OPCML: variants seen among roughly 807,000 people sequenced by gnomAD.
The protein encoded by OPCML is opioid binding protein/cell adhesion molecule like.
OPCML carries 13 observed loss-of-function variants against 37.8 expected under a neutral mutation model. The observed-to-expected ratio is 0.34, with a 90% confidence interval of 0.22 to 0.55. The LOEUF (loss-of-function observed/expected upper bound fraction) is 0.55, where lower values mean the gene tolerates loss of function less well. Ranked by LOEUF, OPCML falls within the 20% of genes least tolerant of loss-of-function variation. The pLI is 0.91. For missense variants in OPCML, 341 were observed against 435.6 expected (o/e 0.78, Z 1.93); for synonymous variants, 176 against 168.8 (o/e 1.04, Z -0.33).
At chr11:132,515,593 C>A (rs566482742) in intron 4 of OPCML, among the ~76,000 whole-genome samples, 1 of 152,284 alleles carries the variant, frequency 6.6e-6, no homozygotes, top group South Asian at 2.1e-4. Flanking sequence ...AGTGGAGGTT[C>A]CCTATCCAAG....
intron 1 of OPCML, among the ~76,000 whole-genome samples, chr11:133,170,131 ACTAC>A (rs1010567962): frequency 1.3e-5 from 2 of 152,176 alleles, no homozygotes; most frequent in African/African-American, 4.8e-5. Context: ...TATCTACCTA[ACTAC>A]CTGTCTGTCT....
At chr11:133,340,963 C>A (rs925130401) in intron 1 of OPCML, among the ~76,000 whole-genome samples, 3 of 152,248 alleles carry the variant, frequency 2.0e-5, no homozygotes, top group East Asian at 3.9e-4. Flanking sequence ...AAGATGCGAC[C>A]CTGACACTTC....
chr11:132,423,535 G>A (rs888729716), intron 7 of OPCML, among the ~76,000 whole-genome samples: 3 of 152,216 alleles, frequency 2.0e-5, no homozygotes, highest in Non-Finnish European at 4.4e-5. Context: ...GACTTGAAGA[G>A]TGTGAGACAA....
At chr11:132,838,327 G>A (rs1275048102) in intron 2 of OPCML, among the ~76,000 whole-genome samples, 1 of 152,166 alleles carries the variant, frequency 6.6e-6, no homozygotes, top group Non-Finnish European at 1.5e-5. Flanking sequence ...ATTCTGCGAA[G>A]AAAATGAAAC....
chr11:132,506,161 T>C (rs1023245993), intron 4 of OPCML, among the ~76,000 whole-genome samples: 1 of 152,206 alleles, frequency 6.6e-6, no homozygotes, highest in Admixed American at 6.5e-5. Flanking sequence ...CTTTGGATTT[T>C]ATGCTCAGGA....
intron 2 of OPCML, among the ~76,000 whole-genome samples, chr11:132,729,331 G>T (rs1237594287): frequency 6.6e-6 from 1 of 152,050 alleles, no homozygotes; most frequent in Non-Finnish European, 1.5e-5. Flanking sequence ...TGCACATTCA[G>T]CTGCACTATC....
intron 1 of OPCML, among the ~76,000 whole-genome samples, chr11:133,291,537 A>T (rs1592172516): frequency 6.6e-6 from 1 of 152,224 alleles, no homozygotes; most frequent in African/African-American, 2.4e-5. Context: ...CTAGAAAGGC[A>T]GCTGACATGG....
At chr11:133,287,069 C>A (rs1478464522) in intron 1 of OPCML, among the ~76,000 whole-genome samples, 1 of 152,058 alleles carries the variant, frequency 6.6e-6, no homozygotes, top group Non-Finnish European at 1.5e-5. Flanking sequence ...CAATTCCTGG[C>A]CCTTTGTTTC....
intron 1 of OPCML, among the ~76,000 whole-genome samples, chr11:133,134,687 C>G (rs116873541): frequency 6.6e-6 from 1 of 152,250 alleles, no homozygotes; most frequent in South Asian, 2.1e-4. Flanking sequence ...GGAACTCTTG[C>G]GTGAACCCTG....
intron 2 of OPCML, among the ~76,000 whole-genome samples, chr11:132,740,916 A>G (rs1945414194): frequency 6.6e-6 from 1 of 152,200 alleles, no homozygotes. Context: ...TATTTGATAT[A>G]ACGGTATGCA....
intron 1 of OPCML, chr11:133,004,359 T>C: frequency 1.0e-6 from 1 of 985,496 alleles, no homozygotes; most frequent in South Asian, 4.7e-5. Context: ...GTTGATGTTT[T>C]ATTAATGGTT....
chr11:133,201,305 CTT>C (rs71477789), intron 1 of OPCML, among the ~76,000 whole-genome samples: 4 of 147,794 alleles, frequency 2.7e-5, no homozygotes, highest in Non-Finnish European at 3.0e-5. Flanking sequence ...ACAATGCATG[CTT>C]TTTTTTTTTT....
intron 1 of OPCML, among the ~76,000 whole-genome samples, chr11:133,108,614 T>C (rs1198584240): frequency 6.6e-6 from 1 of 152,012 alleles, no homozygotes; most frequent in Non-Finnish European, 1.5e-5. Flanking sequence ...CACACACATA[T>C]ATGGCTATTC....
At chr11:132,702,469 C>G (rs11600248) in intron 2 of OPCML, among the ~76,000 whole-genome samples, 5 of 152,154 alleles carry the variant, frequency 3.3e-5, no homozygotes, top group African/African-American at 1.2e-4. Flanking sequence ...AGTCACTTTT[C>G]TCTTGCTGCA....
chr11:133,274,309 G>A (rs913641000), intron 1 of OPCML, among the ~76,000 whole-genome samples: 14 of 151,364 alleles, frequency 9.2e-5, no homozygotes, highest in South Asian at 4.2e-4. Flanking sequence ...GTTCCTGTGC[G>A]GTCATACTGG....
intron 1 of OPCML, among the ~76,000 whole-genome samples, chr11:133,168,263 C>T (rs1415118024): frequency 6.6e-6 from 1 of 152,204 alleles, no homozygotes; most frequent in Non-Finnish European, 1.5e-5. Flanking sequence ...TGCTTTCCTC[C>T]TGGAATGAGA....
chr11:132,935,091 A>T (rs779930308), intron 2 of OPCML, among the ~76,000 whole-genome samples: 1 of 151,766 alleles, frequency 6.6e-6, no homozygotes, highest in Non-Finnish European at 1.5e-5. Flanking sequence ...GTGAGCCAAG[A>T]TCGCACCATT....
At chr11:132,506,924 T>C (rs1214158705) in intron 4 of OPCML, among the ~76,000 whole-genome samples, 2 of 151,842 alleles carry the variant, frequency 1.3e-5, no homozygotes, top group Admixed American at 6.6e-5. Flanking sequence ...AAGGCTTCAG[T>C]TGGATTAAAA....
chr11:133,161,326 G>C (rs1450708469), intron 1 of OPCML, among the ~76,000 whole-genome samples: 1 of 152,198 alleles, frequency 6.6e-6, no homozygotes, highest in African/African-American at 2.4e-5. Context: ...AATTTGGAGG[G>C]AGAGAGCTTT....
Sources: gnomAD v4.1 joint callset for allele counts (sites outside exome capture counted in the v4.1 genomes callset) on GRCh38, gnomAD v4.1.1 for gene constraint, MANE v1.5 for transcripts, NCBI Gene and HGNC (gene_info 2026-07-23, HGNC 2026-07-21) for gene names.